Variants in ATXN2L observed in about 807,000 individuals in gnomAD.
The protein encoded by ATXN2L is ataxin-2-like protein.
In ATXN2L, 24 loss-of-function variants were observed where a neutral mutation model predicts 120.7. That is an observed-to-expected ratio of 0.20 (90% CI 0.14 to 0.28). ATXN2L has a LOEUF of 0.28. Ranked by LOEUF, ATXN2L falls within the 10% of genes least tolerant of loss-of-function variation. The pLI is 1.00. For missense variants in ATXN2L, 1,312 were observed against 1,432.3 expected, an observed-to-expected ratio of 0.92 and a Z score of 1.36; for synonymous variants, 653 against 568.1, an observed-to-expected ratio of 1.15 and a Z score of -2.13.
chr16:28,824,172 C>G (rs1046177259), intron 1 of ATXN2L: 9 of 1,036,500 alleles, frequency 8.7e-6, no homozygotes, highest in African/African-American at 1.7e-5. Flanking sequence ...GATGCTCGGT[C>G]TCATGACCCG....
At chr16:28,828,818 C>G (rs536043063) in intron 6 of ATXN2L, among the ~76,000 whole-genome samples, 1 of 152,146 alleles carries the variant, frequency 6.6e-6, no homozygotes, top group East Asian at 1.9e-4. Flanking sequence ...TGCAGTGGCT[C>G]GATCTCAGCT....
intron 10 of ATXN2L, 61 bp from the exon 11 acceptor site, chr16:28,832,144 C>A: frequency 5.1e-6 from 8 of 1,564,416 alleles, no homozygotes; most frequent in Non-Finnish European, 6.2e-6. Flanking sequence ...TTGAGTAAGG[C>A]CCTTGTACTC....
At chr16:28,830,129 T>G in intron 8 of ATXN2L, 71 bp downstream of exon 8, 18 of 1,438,052 alleles carry the variant, frequency 1.3e-5, no homozygotes, top group Non-Finnish European at 1.7e-5. Flanking sequence ...CCAGAGTTGA[T>G]GAGTGCTGTG....
At chr16:28,826,159 A>AT (rs2051878803) in intron 4 of ATXN2L, 81 bp from the exon 5 acceptor site, 1 of 1,542,756 alleles carries the variant, frequency 6.5e-7, no homozygotes, top group Non-Finnish European at 8.9e-7. Flanking sequence ...ATCCAGTTCT[A>AT]TTTAAGAGAA....
At chr16:28,831,975 G>A (rs539449435) in intron 10 of ATXN2L, among the ~76,000 whole-genome samples, 1 of 152,196 alleles carries the variant, frequency 6.6e-6, no homozygotes, top group Non-Finnish European at 1.5e-5. Context: ...TTGCTGCGTA[G>A]CTTGAGTTGA....
chr16:28,829,483 C>T lies in ATXN2L; in HGVS notation c.824C>T (p.Ser275Phe), dbSNP rs749900880. 1.2e-6 allele frequency: 2 copies of T among 1,602,454 alleles called. No homozygotes were observed. Among genetic ancestry groups the T allele is most frequent in the Non-Finnish European group, 1.7e-6 (2 of 1,169,418 alleles). ...GVKTTYDSSL[S>F]SYTVPLEKDN... The stretch of plus-strand genomic sequence containing the variant: ...AAGACTACCTATGATAGCAGTCTTT[C>T]TTCTTATACGTGAGTATCTTGGTGC... The change falls in exon 7 of 22, where the codon TCT (serine) becomes TTT (phenylalanine). Residue 275 changes from serine to phenylalanine, a missense_variant. Ser to Phe is a radical substitution (Grantham distance 155). Coordinates refer to ENST00000336783, the MANE Select transcript of ATXN2L (RefSeq NM_007245.4).
intron 17 of ATXN2L, 44 bp downstream of exon 17, chr16:28,834,459 C>T (rs745923352): frequency 1.2e-6 from 2 of 1,613,740 alleles, no homozygotes; most frequent in South Asian, 1.1e-5. Context: ...TGCCAAGGGC[C>T]TACTGGCAGG....
chr16:28,836,035 C>G lies in ATXN2L; in HGVS notation c.2998C>G (p.Pro1000Ala), dbSNP rs1960533388. The G allele has an allele frequency of 6.5e-7, 1 of 1,550,208 alleles. No individual in the cohort carries two copies. Among genetic ancestry groups the G allele is most frequent in the Non-Finnish European group, 8.7e-7 (1 of 1,145,456 alleles). ...GCACCCACCCCAGAGTCATGGGGGG[C>G]CCCCCCAAGGCGCGGTGCCCCAGAG... ...LLHPPQSHGGPPQGAVPQSGV... is the reference protein window; with the variant it reads ...LLHPPQSHGGAPQGAVPQSGV... The change falls in exon 22 of 22, where the codon CCC (proline) becomes GCC (alanine). Residue 1000 changes from proline (P) to alanine (A), a missense_variant. By Grantham distance (27) the Pro-to-Ala change is conservative (BLOSUM62 -1). Coordinates refer to ENST00000336783, the MANE Select transcript of ATXN2L (RefSeq NM_007245.4).
chr16:28,832,611 C>G, intron 12 of ATXN2L, 44 bp downstream of exon 12: 18 of 1,585,214 alleles, frequency 1.1e-5, no homozygotes, highest in Non-Finnish European at 1.5e-5. Context: ...GCTCCTTTGT[C>G]TGGGGGAGAG....
chr16:28,825,455 A>G, intron 2 of ATXN2L, 53 bp downstream of exon 2: 1 of 1,589,022 alleles, frequency 6.3e-7, no homozygotes, highest in Non-Finnish European at 8.6e-7. Context: ...AAGATGCATA[A>G]TGTGGGAATA....
intron 2 of ATXN2L, 109 bp downstream of exon 2, chr16:28,825,511 T>C: frequency 3.3e-6 from 5 of 1,533,692 alleles, no homozygotes; most frequent in Non-Finnish European, 4.5e-6. Flanking sequence ...TCAGGAGGGC[T>C]GTGGGCCCGG....
chr16:28,833,314 C>T lies in ATXN2L; in HGVS notation c.1915C>T (p.Leu639Phe). ...CCAAACTGGCAGCCCCCCGGTGGGC[C>T]TCATCAAGGGAGAAGACAAAGATGA... ...PSQTGSPPVG[L>F]IKGEDKDEGP... The change falls in exon 14 of 22, where the codon CTC becomes TTC. Residue 639 changes from leucine to phenylalanine, a missense_variant. By Grantham distance (22) the Leu-to-Phe change is conservative. Transcript: ENST00000336783. 1 of 1,613,974 alleles carries T rather than the reference C, an allele frequency of 6.2e-7. No individual in the cohort carries two copies. Among genetic ancestry groups the T allele is most frequent in the Non-Finnish European group, 8.5e-7 (1 of 1,179,918 alleles).
At chr16:28,828,670 C>T (rs1043081053) in intron 6 of ATXN2L, among the ~76,000 whole-genome samples, 8 of 151,398 alleles carry the variant, frequency 5.3e-5, no homozygotes, top group African/African-American at 1.9e-4. Flanking sequence ...ATTTTTTTTC[C>T]ACTCTTGTTT....
chr16:28,830,566 A>C, intron 8 of ATXN2L, 49 bp from the exon 9 acceptor site: 5 of 1,504,942 alleles, frequency 3.3e-6, no homozygotes, highest in Non-Finnish European at 4.5e-6. Context: ...TCATCTTTCC[A>C]AAACGTGGGT....
chr16:28,830,664 G>A lies in ATXN2L; in HGVS notation c.1084G>A (p.Gly362Arg). The A allele has an allele frequency of 1.2e-6, 2 of 1,612,904 alleles. No individual in the cohort carries two copies. Among genetic ancestry groups the A allele is most frequent in the Non-Finnish European group, 1.7e-6 (2 of 1,179,544 alleles). Residue 362 changes from glycine (G) to arginine (R), a missense_variant, in exon 9 of 22, where the codon GGA becomes AGA. Transcript: ENST00000336783. Reference protein sequence around the residue: ...LPQRVREGPRGGVRCSSSRGG... With the variant: ...LPQRVREGPRRGVRCSSSRGG... ...TCAACGAGTCCGGGAAGGTCCCCGG[G>A]GAGGAGTTCGATGCAGCAGCTCTCG...
Position 28,835,686 on chromosome 16 carries a change from G to A in ATXN2L, c.2823G>A (p.Gln941=). 6.2e-7 allele frequency: 1 copy of A among 1,613,900 alleles called. No homozygotes were observed. Among genetic ancestry groups the A allele is most frequent in the Non-Finnish European group, 8.5e-7 (1 of 1,179,942 alleles). ...SAQSPQSSFP[Q]PAAVYAIHHQ... Reference sequence around the variant, plus strand: ...AGTCCCCTCAGAGCAGCTTCCCCCAGCCAGCCGCTGTGTATGCCATCCACC... The same window carrying A: ...AGTCCCCTCAGAGCAGCTTCCCCCAACCAGCCGCTGTGTATGCCATCCACC... The change falls in exon 21 of 22, where the codon CAG becomes CAA. Residue 941 remains glutamine, a synonymous_variant. Coordinates refer to ENST00000336783, the MANE Select transcript of ATXN2L (RefSeq NM_007245.4).
chr16:28,824,350 C>T, intron 1 of ATXN2L: 1 of 1,203,642 alleles, frequency 8.3e-7, no homozygotes, highest in South Asian at 1.4e-5. Context: ...GGGCTCTGAT[C>T]GCTGGAGGTG....
At chr16:28,824,421 T>A (rs1189350980) in intron 1 of ATXN2L, 1 of 1,282,820 alleles carries the variant, frequency 7.8e-7, no homozygotes. Flanking sequence ...GGCCTCCCGG[T>A]GGATGGCTTT....
chr16:28,833,606 C>A, intron 15 of ATXN2L, 98 bp downstream of exon 15: 3 of 1,247,870 alleles, frequency 2.4e-6, no homozygotes, highest in Non-Finnish European at 3.5e-6. Context: ...CTTCCAGGAC[C>A]ACTTGCCTGG....
Sources: allele counts gnomAD v4.1 joint callset (sites outside exome capture counted in the v4.1 genomes callset), GRCh38; gene constraint gnomAD v4.1.1; transcripts MANE v1.5; gene names NCBI Gene and HGNC (gene_info 2026-07-23, HGNC 2026-07-21).